SPTSSB: variants seen among roughly 807,000 people sequenced by gnomAD.
The protein encoded by SPTSSB is serine palmitoyltransferase small subunit B.
A neutral mutation model predicts 7.7 loss-of-function variants in SPTSSB; 6 were observed. That is an observed-to-expected ratio of 0.78 (90% CI 0.43 to 1.54). SPTSSB has a LOEUF of 1.54. Ranked by LOEUF, SPTSSB falls within the 40% of genes most tolerant of loss-of-function variation. SPTSSB has a pLI of 0.01. For missense variants in SPTSSB, 91 were observed against 93.0 expected (o/e 0.98, Z 0.09); for synonymous variants, 28 against 29.7 (o/e 0.94, Z 0.19).
At chr3:161,348,808 C>T (rs1031117413) in intron 2 of SPTSSB, among the ~76,000 whole-genome samples, 1 of 152,100 alleles carries the variant, frequency 6.6e-6, no homozygotes, top group Non-Finnish European at 1.5e-5. Context: ...GATTCATTTT[C>T]CCCTTATTGA....
Position 161,345,309 on chromosome 3 carries a change from G to C in SPTSSB, c.*784C>G, listed in dbSNP as rs1247161137. The C allele has an allele frequency of 6.6e-6, 1 of 152,516 alleles. No individual in the cohort carries two copies. The highest frequency in any genetic ancestry group is 2.4e-5 in the African/African-American group (1 of 41,428). 9.4% of individuals were successfully genotyped at this position (152,516 alleles called of 1,614,324 possible). ...TCTACACTGAATGAAAGTACAAAAA[G>C]AAAACCATTTCTTTTCTCTTTTTCC... On this transcript the variant is annotated 3_prime_UTR_variant, in exon 3 of 3. Transcript: ENST00000620149.
chr3:161,366,673 TA>T (rs1231294044), intron 1 of SPTSSB, among the ~76,000 whole-genome samples: 1 of 152,212 alleles, frequency 6.6e-6, no homozygotes, highest in Non-Finnish European at 1.5e-5. Context: ...ATTTACTTAT[TA>T]TTATTAATGT....
intron 1 of SPTSSB, among the ~76,000 whole-genome samples, chr3:161,367,493 C>T (rs1715273111): frequency 6.6e-6 from 1 of 152,218 alleles, no homozygotes; most frequent in Non-Finnish European, 1.5e-5. Flanking sequence ...ACCCCCATGA[C>T]ACTCTGAGGC....
intron 2 of SPTSSB, 53 bp downstream of exon 2, chr3:161,359,749 A>G: frequency 2.0e-6 from 2 of 985,380 alleles, no homozygotes; most frequent in Non-Finnish European, 2.4e-6. Context: ...TCACAGTGAA[A>G]AGGGGCAGAT....
chr3:161,364,337 A>G (rs1326392946), intron 1 of SPTSSB, among the ~76,000 whole-genome samples: 1 of 152,182 alleles, frequency 6.6e-6, no homozygotes, highest in Non-Finnish European at 1.5e-5. Flanking sequence ...CAGTCATCAA[A>G]GGTCGCTATC....
chr3:161,351,569 A>G (rs1714537544), intron 2 of SPTSSB, among the ~76,000 whole-genome samples: 1 of 152,142 alleles, frequency 6.6e-6, no homozygotes, highest in Admixed American at 6.5e-5. Context: ...ATTGTGATCC[A>G]TGGTGTATAC....
At chr3:161,358,589 G>A (rs1006653304) in intron 2 of SPTSSB, among the ~76,000 whole-genome samples, 1 of 152,160 alleles carries the variant, frequency 6.6e-6, no homozygotes, top group Admixed American at 6.6e-5. Flanking sequence ...ATATGGTATT[G>A]CTAGATTATG....
rs1023882552 is a variant in SPTSSB at position 161,345,283 on chromosome 3, C to G, written c.*810G>C. On this transcript the variant is annotated 3_prime_UTR_variant, in exon 3 of 3. Coordinates refer to ENST00000620149, the MANE Select transcript of SPTSSB (RefSeq NM_001040100.2). ...GGTGGCCCAATACATGCTTTTTTCC[C>G]TCTACACTGAATGAAAGTACAAAAA... The G allele has an allele frequency of 2.0e-5, 3 of 152,482 alleles. No homozygotes were observed. The highest frequency in any genetic ancestry group is 7.2e-5 in the African/African-American group (3 of 41,396). The allele number at this position is 152,482 out of a possible 1,614,324, so 9.4% of individuals were successfully genotyped here.
chr3:161,369,167 T>G (rs1253102428), intron 1 of SPTSSB, among the ~76,000 whole-genome samples: 1 of 152,126 alleles, frequency 6.6e-6, no homozygotes, highest in Non-Finnish European at 1.5e-5. Flanking sequence ...ATTGCACCAT[T>G]TTCCATCCCC....
intron 2 of SPTSSB, 139 bp downstream of exon 2, chr3:161,359,663 G>A: frequency 1.1e-6 from 1 of 896,244 alleles, no homozygotes; most frequent in Middle Eastern, 5.8e-4. Flanking sequence ...CATCTCAAAT[G>A]CCAATATAAT....
rs913125798 is a variant in SPTSSB at position 161,360,774 on chromosome 3, G to C, written c.-125-880C>G. Among the ~76,000 whole-genome samples, 3 of 152,138 alleles carry C rather than the reference G, an allele frequency of 2.0e-5. 1 individual carries two copies. Reference sequence around the variant, plus strand: ...TAAAATGGGGAAATCAAAAGGTCCTGTTCTTCCATACAAAAAGACAATTGG... The same window carrying C: ...TAAAATGGGGAAATCAAAAGGTCCTCTTCTTCCATACAAAAAGACAATTGG... On this transcript the variant is annotated intron_variant, in intron 1 of 2. Coordinates refer to ENST00000620149, the MANE Select transcript of SPTSSB (RefSeq NM_001040100.2).
At chr3:161,346,391 C>A in intron 2 of SPTSSB, 36 bp from the exon 3 acceptor site, 2 of 1,080,898 alleles carry the variant, frequency 1.9e-6, no homozygotes, top group Non-Finnish European at 2.8e-6. Flanking sequence ...GGATGAGGAA[C>A]CAAACATAGA....
At chr3:161,369,987 G>T (rs1421907407) in intron 1 of SPTSSB, among the ~76,000 whole-genome samples, 1 of 152,168 alleles carries the variant, frequency 6.6e-6, no homozygotes, top group Non-Finnish European at 1.5e-5. Flanking sequence ...ATTTTCACCA[G>T]TTATTGTTGT....
chr3:161,347,796 C>A (rs1166024068), intron 2 of SPTSSB, among the ~76,000 whole-genome samples: 2 of 151,948 alleles, frequency 1.3e-5, no homozygotes, highest in Non-Finnish European at 2.9e-5. Flanking sequence ...TCACTTGAAC[C>A]TGGGAGACCT....
chr3:161,356,029 G>C (rs1714757907), intron 2 of SPTSSB, among the ~76,000 whole-genome samples: 1 of 152,198 alleles, frequency 6.6e-6, no homozygotes, highest in African/African-American at 2.4e-5. Context: ...ACAAAGCTGA[G>C]TAAACAAATA....
At chr3:161,349,223 A>T (rs1021389210) in intron 2 of SPTSSB, among the ~76,000 whole-genome samples, 2 of 152,188 alleles carry the variant, frequency 1.3e-5, no homozygotes, top group African/African-American at 4.8e-5. Context: ...TATAACAAAC[A>T]TGCAGTGATC....
At chr3:161,365,875 C>T (rs1436713517) in intron 1 of SPTSSB, among the ~76,000 whole-genome samples, 1 of 152,184 alleles carries the variant, frequency 6.6e-6, no homozygotes, top group East Asian at 1.9e-4. Context: ...CTCAGGTCTC[C>T]TTTAAACCAA....
chr3:161,346,391 C>T lies in SPTSSB; in HGVS notation c.-32-36G>A, dbSNP rs376185413. ...ATGTAACAGATTAGAGGATGAGGAA[C>T]CAAACATAGAATCACTTTAAAATTT... On this transcript the variant is annotated intron_variant, in intron 2 of 2. Coordinates refer to ENST00000620149, the MANE Select transcript of SPTSSB (RefSeq NM_001040100.2). 152 of 1,080,902 alleles carry T rather than the reference C, an allele frequency of 1.4e-4. No individual in the cohort carries two copies. In the African/African-American group the frequency reaches 2.0e-3, roughly 14 times the overall value. The allele number at this position is 1,080,902 out of a possible 1,614,324, so 67.0% of individuals were successfully genotyped here. A position where few individuals can be genotyped will look rare whatever the true frequency, so the allele number is the denominator to read the frequency against.
At chr3:161,361,875 G>A (rs1715030619) in intron 1 of SPTSSB, among the ~76,000 whole-genome samples, 1 of 152,108 alleles carries the variant, frequency 6.6e-6, no homozygotes, top group Non-Finnish European at 1.5e-5. Flanking sequence ...AGATCACAGA[G>A]TTACTGTTTT....
Sources: gnomAD v4.1 joint callset for allele counts (sites outside exome capture counted in the v4.1 genomes callset) on GRCh38, gnomAD v4.1.1 for gene constraint, MANE v1.5 for transcripts, NCBI Gene and HGNC (gene_info 2026-07-23, HGNC 2026-07-21) for gene names.